Variants in FLG2 observed in about 807,000 individuals in gnomAD.
FLG2 encodes the protein filaggrin-2.
A neutral mutation model predicts 3.9 loss-of-function variants in FLG2; 7 were observed. That is an observed-to-expected ratio of 1.79 (90% CI 1.02 to 3.36). The LOEUF is 3.36. FLG2 is among the 30% of genes most tolerant of loss of function. FLG2 has a pLI of 0.00. For synonymous variants in FLG2, 1,031 were observed against 1,056.1 expected, an observed-to-expected ratio of 0.98 and a Z score of 0.46; for missense variants, 2,700 against 2,809.4, an observed-to-expected ratio of 0.96 and a Z score of 0.88.
chr1:152,357,204 T>C lies in FLG2; in HGVS notation c.582A>G (p.Lys194=). The change falls in exon 3 of 3, where the codon AAA becomes AAG. Residue 194 remains lysine, a synonymous_variant. Coordinates refer to ENST00000388718, the MANE Select transcript of FLG2 (RefSeq NM_001014342.3). The part of the protein sequence containing the change: ...SSCGHSWSGG[K]DRHGSSSVEL... ...CTACAGAGCTGGAACCATGTCTGTC[T>C]TTGCCACCACTCCATGAATGACCAC... 1 of 1,614,218 alleles carries C rather than the reference T, an allele frequency of 6.2e-7. No individual in the cohort carries two copies. The highest frequency in any genetic ancestry group is 8.5e-7 in the Non-Finnish European group (1 of 1,180,042).
In FLG2 at chr1:152,353,140, T is replaced by C; in HGVS notation, c.4646A>G (p.Asp1549Gly). Residue 1549 changes from aspartate (D) to glycine (G), a missense_variant, in exon 3 of 3, where the codon GAT (aspartate) becomes GGT (glycine). Coordinates refer to ENST00000388718, the MANE Select transcript of FLG2 (RefSeq NM_001014342.3). ...ACCAGAGTAGGAATGTCTAGTGGTA[T>C]CTCCTGTCTGTCCATGAGTAATTCT... Reference protein sequence around the residue: ...RHRITHGQTGDTTRHSYSGHE... With the variant: ...RHRITHGQTGGTTRHSYSGHE... 6.2e-7 allele frequency: 1 copy of C among 1,614,024 alleles called. No individual in the cohort carries two copies. Among genetic ancestry groups the C allele is most frequent in the Non-Finnish European group, 8.5e-7 (1 of 1,180,022 alleles).
At position 152,350,760 on chromosome 1, in the gene FLG2, C is replaced by T; in HGVS notation, c.7026G>A (p.Gln2342=). 1 of 1,614,170 alleles carries T rather than the reference C, an allele frequency of 6.2e-7. No individual in the cohort carries two copies. The highest frequency in any genetic ancestry group is 8.5e-7 in the Non-Finnish European group (1 of 1,180,024). Residue 2342 remains glutamine (Q), a synonymous_variant, in exon 3 of 3, where the codon CAG becomes CAA. Transcript: ENST00000388718. ...SSERQRHGSS[Q]VWKHGSYGPA... is the part of the protein sequence containing the mutation. ...GTCCATAGCTGCCATGTTTCCAAAC[C>T]TGACTTGATCCATGCCTTTGCCTTT...
intron 1 of FLG2, 117 bp from the exon 2 acceptor site, chr1:152,359,023 C>T (rs866269280): frequency 5.4e-5 from 50 of 926,368 alleles, no homozygotes; most frequent in South Asian, 1.4e-4. Context: ...AATCTCAAAA[C>T]GTAAGAATGG....
At chr1:152,358,215 G>T (rs917622539) in intron 2 of FLG2, among the ~76,000 whole-genome samples, 1 of 151,980 alleles carries the variant, frequency 6.6e-6, no homozygotes, top group Non-Finnish European at 1.5e-5. Flanking sequence ...TAGAGATGGG[G>T]TTTCACCGTA....
chr1:152,354,222 A>G lies in FLG2; in HGVS notation c.3564T>C (p.Asn1188=), dbSNP rs1250313278. ...SFGQHVSGSD[N]FSSSGQHISD... ...ATATATGTTGTCCAGAACTAGAGAA[A>G]TTGTCTGAGCCAGACACATGCTGTC... The change falls in exon 3 of 3, where the codon AAT becomes AAC. Residue 1188 remains asparagine, a synonymous_variant. Transcript: ENST00000388718. 1 of 1,613,998 alleles carries G rather than the reference A, an allele frequency of 6.2e-7. No homozygotes were observed.
chr1:152,354,181 GA>G lies in FLG2; in HGVS notation c.3604del (p.Ser1202ProfsTer25), dbSNP rs1654095761. 1.2e-6 allele frequency: 2 copies of G among 1,614,122 alleles called. No individual in the cohort carries two copies. The highest frequency in any genetic ancestry group is 1.7e-6 in the Non-Finnish European group (2 of 1,180,046). On this transcript the variant is annotated frameshift_variant, in exon 3 of 3. Transcript: ENST00000388718. LOFTEE classifies it low-confidence loss of function (END_TRUNC). ...SGQHISDSGQ[S>X]TGFGQYGSGS... ...TGAACCATATTGGCCAAATCCAGTGGACTGACCTGAGTCAGATATATGTTGT... is the reference window on the plus strand; with the variant it reads ...TGAACCATATTGGCCAAATCCAGTGGCTGACCTGAGTCAGATATATGTTGT...
rs1457479918 is a variant in FLG2, at chr1:152,355,698, A to G, written c.2088T>C (p.His696=). 3.1e-6 allele frequency: 5 copies of G among 1,609,244 alleles called. No homozygotes were observed. The highest frequency in any genetic ancestry group is 1.7e-5 in the Admixed American group (1 of 59,418). ...CAGATGATTGACTTGAGCCAAAACC[A>G]TGTTGGCCATAGCTAGAATGACCTG... is the stretch of plus-strand genomic sequence containing the variant. ...SRSGHSSYGQ[H]GFGSSQSSGY... is the part of the protein sequence containing the mutation. Residue 696 remains histidine (H), a synonymous_variant, in exon 3 of 3, where the codon CAT becomes CAC. Transcript: ENST00000388718.
rs1338316782 is a variant in FLG2 at position 152,355,844 on chromosome 1, C to G, written c.1942G>C (p.Gly648Arg). Residue 648 changes from glycine to arginine, a missense_variant, in exon 3 of 3, where the codon GGC (glycine) becomes CGC (arginine). Physicochemically the swap from Gly to Arg is moderately radical, Grantham distance 125. Coordinates refer to ENST00000388718, the MANE Select transcript of FLG2 (RefSeq NM_001014342.3). ...CCAAAGCCAGTGGATTGACTTGAGC[C>G]TGACCCATGTTGTCCAAAGCCAGAT... ...QTSGFGQHGS[G>R]SSQSTGFGQY... 1 of 1,612,854 alleles carries G rather than the reference C, an allele frequency of 6.2e-7. No homozygotes were observed. Among genetic ancestry groups the G allele is most frequent in the East Asian group, 2.2e-5 (1 of 44,704 alleles).
rs1306252433 is a variant in FLG2, at chr1:152,352,672, TG to T, written c.5113del (p.His1705MetfsTer8). ...GGTTAATCCATGATGATAGTGGGCA[TG>T]TCTAGTGGTATCTCCTGTCTGTCCA... ...THGQTGDTTR[H>X]AHYHHGLTTQ... On this transcript the variant is annotated frameshift_variant, in exon 3 of 3. Transcript: ENST00000388718. LOFTEE classifies it low-confidence loss of function (END_TRUNC). 3.7e-6 allele frequency: 6 copies of T among 1,613,916 alleles called. No individual in the cohort carries two copies. The South Asian group carries it at 6.6e-5, about 18-fold the overall frequency.
At position 152,349,912 on chromosome 1, in the gene FLG2, T is replaced by C. The variant is rs1467075786; in HGVS notation, c.*698A>G. On this transcript the variant is annotated 3_prime_UTR_variant, in exon 3 of 3. Transcript: ENST00000388718. ...ACTGCTTGATGAATATCTATACCTA[T>C]ACTCTTCAATTCCTGCAGGGTCTTG... is the stretch of plus-strand genomic sequence containing the variant. The C allele has an allele frequency of 6.5e-6, 1 of 154,744 alleles. No homozygotes were observed. The highest frequency in any genetic ancestry group is 1.9e-4 in the East Asian group (1 of 5,200). 9.6% of individuals were successfully genotyped at this position (154,744 alleles called of 1,614,324 possible).
chr1:152,359,534 A>G (rs1336787041), intron 1 of FLG2, among the ~76,000 whole-genome samples: 3 of 152,200 alleles, frequency 2.0e-5, no homozygotes, highest in African/African-American at 7.2e-5. Flanking sequence ...CAAGAAGAAG[A>G]GCTCAGCAAT....
chr1:152,353,614 G>A lies in FLG2; in HGVS notation c.4172C>T (p.Thr1391Ile), dbSNP rs1388283571. The A allele has an allele frequency of 6.2e-7, 1 of 1,613,844 alleles. No homozygotes were observed. The highest frequency in any genetic ancestry group is 1.7e-5 in the Admixed American group (1 of 59,994). The change falls in exon 3 of 3, where the codon ACT (threonine) becomes ATT (isoleucine). Residue 1391 changes from threonine to isoleucine, a missense_variant. Physicochemically the swap from Thr to Ile is moderately conservative, Grantham distance 89. Coordinates refer to ENST00000388718, the MANE Select transcript of FLG2 (RefSeq NM_001014342.3). ...AGTGGCCTCTCCTGTCTGTCCATAA[G>A]TAGTTTCATGTCTCTCATGAACTGT... ...ESTVHERHET[T>I]YGQTGEATGH... is the part of the protein sequence containing the mutation.
rs879017276 is a variant in FLG2, at chr1:152,355,466, T to C, written c.2320A>G (p.Ser774Gly). The C allele has an allele frequency of 2.5e-6, 4 of 1,605,520 alleles. No homozygotes were observed. The highest frequency in any genetic ancestry group is 1.4e-5 in the African/African-American group (1 of 72,016). The change falls in exon 3 of 3, where the codon AGT (serine) becomes GGT (glycine). Residue 774 changes from serine (S) to glycine (G), a missense_variant. Ser to Gly is a moderately conservative substitution (Grantham distance 56). Transcript: ENST00000388718. Reference sequence around the variant, plus strand: ...CCAGATGACTGACTTGAGCCAGAACTGTGTTGGCCATAGCTAGACTGACCT... The same window carrying C: ...CCAGATGACTGACTTGAGCCAGAACCGTGTTGGCCATAGCTAGACTGACCT... ...RSGQSSYGQH[S>G]SGSSQSSGYG...
In FLG2 at chr1:152,352,478, T is replaced by C. The variant is rs760879637; in HGVS notation, c.5308A>G (p.Ile1770Val). Reference sequence around the variant, plus strand: ...GTGGTATCGCCTGTCTGTCCATGTATAGTTCCATGTCTCTCATGAACTATG... The same window carrying C: ...GTGGTATCGCCTGTCTGTCCATGTACAGTTCCATGTCTCTCATGAACTATG... ...ESIVHERHGT[I>V]HGQTGDTTRH... The change falls in exon 3 of 3, where the codon ATA becomes GTA. Residue 1770 changes from isoleucine to valine, a missense_variant. Coordinates refer to ENST00000388718, the MANE Select transcript of FLG2 (RefSeq NM_001014342.3). 1.9e-6 allele frequency: 3 copies of C among 1,613,314 alleles called. No individual in the cohort carries two copies. The Admixed American group carries it at 5.0e-5, about 27-fold the overall frequency.
chr1:152,357,238 C>T lies in FLG2; in HGVS notation c.548G>A (p.Arg183Lys). 1 of 1,614,210 alleles carries T rather than the reference C, an allele frequency of 6.2e-7. No individual in the cohort carries two copies. Among genetic ancestry groups the T allele is most frequent in the Non-Finnish European group, 8.5e-7 (1 of 1,180,040 alleles). Residue 183 changes from arginine (R) to lysine (K), a missense_variant, in exon 3 of 3, where the codon AGG (arginine) becomes AAG (lysine). Physicochemically the swap from Arg to Lys is conservative, Grantham distance 26 (BLOSUM62 2). Transcript: ENST00000388718. ...NQEGSQKRYHRSSCGHSWSGG... is the reference protein window; with the variant it reads ...NQEGSQKRYHKSSCGHSWSGG... ...ACTCCATGAATGACCACAGCTGGAC[C>T]TGTGGTATCTTTTCTGAGATCCCTC...
rs1418914579 is a variant in FLG2, at chr1:152,351,315, A to G, written c.6471T>C (p.His2157=). Residue 2157 remains histidine, a synonymous_variant, in exon 3 of 3, where the codon CAT becomes CAC. Coordinates refer to ENST00000388718, the MANE Select transcript of FLG2 (RefSeq NM_001014342.3). ...TGGACTGTCCATGACCAGACTGGCC[A>G]TGTCTAGTGGTATCTCCTGTCTGTC... ...IHGQTGDTTR[H]GQSGHGQSTQ... is the part of the protein sequence containing the mutation. 1 of 1,613,752 alleles carries G rather than the reference A, an allele frequency of 6.2e-7. No individual in the cohort carries two copies.
In FLG2 at chr1:152,355,930, C is replaced by T. The variant is rs771236012; in HGVS notation, c.1856G>A (p.Gly619Asp). The T allele has an allele frequency of 1.9e-6, 3 of 1,606,936 alleles. No individual in the cohort carries two copies. The highest frequency in any genetic ancestry group is 2.2e-5 in the South Asian group (2 of 90,512). ...HESRSGQSSY[G>D]QHSSGSSQSS... The stretch of plus-strand genomic sequence containing the variant: ...CTGACTTGAGCCAGAACTGTGTTGG[C>T]CATAACTAGACTGACCTGATCTAGA... The change falls in exon 3 of 3, where the codon GGC (glycine) becomes GAC (aspartate). Residue 619 changes from glycine to aspartate, a missense_variant. By Grantham distance (94) the Gly-to-Asp change is moderately conservative. Transcript: ENST00000388718.
chr1:152,354,394 T>G lies in FLG2; in HGVS notation c.3392A>C (p.His1131Pro), dbSNP rs778025641. The change falls in exon 3 of 3, where the codon CAT (histidine) becomes CCT (proline). Residue 1131 changes from histidine to proline, a missense_variant. His to Pro is a moderately conservative substitution (Grantham distance 77). Transcript: ENST00000388718. Reference protein sequence around the residue: ...GSGQSSGFGQHGSGTGKSSGF... With the variant: ...GSGQSSGFGQPGSGTGKSSGF... The stretch of plus-strand genomic sequence containing the variant: ...AGAGGATTTACCTGTGCCTGACCCA[T>G]GTTGTCCAAAGCCAGAAGACTGACC... 3 of 1,613,962 alleles carry G rather than the reference T, an allele frequency of 1.9e-6. No homozygotes were observed. The Admixed American group carries it at 5.0e-5, about 27-fold the overall frequency.
Position 152,350,758 on chromosome 1 carries a change from A to G in FLG2, c.7028T>C (p.Val2343Ala), listed in dbSNP as rs1451902499. ...SERQRHGSSQVWKHGSYGPAE... is the reference protein window; with the variant it reads ...SERQRHGSSQAWKHGSYGPAE... ...AGGTCCATAGCTGCCATGTTTCCAAACCTGACTTGATCCATGCCTTTGCCT... is the reference window on the plus strand; with the variant it reads ...AGGTCCATAGCTGCCATGTTTCCAAGCCTGACTTGATCCATGCCTTTGCCT... Residue 2343 changes from valine to alanine, a missense_variant, in exon 3 of 3, where the codon GTT becomes GCT. Val to Ala is a moderately conservative substitution (Grantham distance 64). Transcript: ENST00000388718. 1 of 1,613,924 alleles carries G rather than the reference A, an allele frequency of 6.2e-7. No individual in the cohort carries two copies. Among genetic ancestry groups the G allele is most frequent in the Non-Finnish European group, 8.5e-7 (1 of 1,179,994 alleles).
Sources: allele counts gnomAD v4.1 joint callset (sites outside exome capture counted in the v4.1 genomes callset), GRCh38; gene constraint gnomAD v4.1.1; transcripts MANE v1.5; gene names NCBI Gene and HGNC (gene_info 2026-07-23, HGNC 2026-07-21).